Variants in ILDR2 observed in about 807,000 individuals in gnomAD.
ILDR2 encodes immunoglobulin-like domain-containing receptor 2.
In ILDR2, 25 loss-of-function variants were observed where a neutral mutation model predicts 66.8. The ratio of observed to expected loss-of-function variants is 0.37; its 90% CI spans 0.27 to 0.52. The LOEUF is 0.52. Ranked by LOEUF, ILDR2 falls within the 20% of genes least tolerant of loss-of-function variation. The pLI is 0.88. For synonymous variants in ILDR2, 367 were observed against 357.2 expected, an observed-to-expected ratio of 1.03 and a Z score of -0.31; for missense variants, 827 against 876.8, an observed-to-expected ratio of 0.94 and a Z score of 0.72.
At position 166,918,357 on chromosome 1, in the gene ILDR2, T is replaced by C. The variant is rs1303332916; in HGVS notation, c.*998A>G. ...GAAAAGACTGAGTGAAGTTTGTGGG[T>C]GAAATGGTCCACATTCAAAATATAA... On this transcript the variant is annotated 3_prime_UTR_variant, in exon 10 of 10. Transcript: ENST00000271417. 2 of 152,248 alleles carry C rather than the reference T, an allele frequency of 1.3e-5. No homozygotes were observed. The highest frequency in any genetic ancestry group is 4.8e-5 in the African/African-American group (2 of 41,464). 9.4% of individuals were successfully genotyped at this position (152,248 alleles called of 1,614,324 possible).
At position 166,921,405 on chromosome 1, in the gene ILDR2, G is replaced by A. The variant is rs753323508; in HGVS notation, c.1212-26C>T. On this transcript the variant is annotated intron_variant, in intron 8 of 9. Transcript: ENST00000271417. The surrounding 1 kb of genome is among the most constrained non-coding windows in gnomAD (Gnocchi z 5.3). The stretch of plus-strand genomic sequence containing the variant: ...CTGCGGGCAGAGAAGGAGGGGGTCA[G>A]ACGGCCGGTCCCTCCCTGGAGCTCC... 2.0e-6 allele frequency: 3 copies of A among 1,523,412 alleles called. No homozygotes were observed. The African/African-American group carries it at 4.1e-5, about 21-fold the overall frequency. 94.4% of individuals were successfully genotyped at this position (1,523,412 alleles called of 1,614,324 possible).
At position 166,921,405 on chromosome 1, in the gene ILDR2, G is replaced by C; in HGVS notation, c.1212-26C>G. 2.6e-6 allele frequency: 4 copies of C among 1,523,532 alleles called. No individual in the cohort carries two copies. Among genetic ancestry groups the C allele is most frequent in the Non-Finnish European group, 3.5e-6 (4 of 1,132,942 alleles). The allele number at this position is 1,523,532 out of a possible 1,614,324, so 94.4% of individuals were successfully genotyped here. ...CTGCGGGCAGAGAAGGAGGGGGTCA[G>C]ACGGCCGGTCCCTCCCTGGAGCTCC... is the stretch of plus-strand genomic sequence containing the variant. On this transcript the variant is annotated intron_variant, in intron 8 of 9. Transcript: ENST00000271417. The surrounding 1 kb of genome is among the most constrained non-coding windows in gnomAD (Gnocchi z 5.3).
In ILDR2 at chr1:166,956,801, T is replaced by C; in HGVS notation, c.431A>G (p.Tyr144Cys). 6.2e-7 allele frequency: 1 copy of C among 1,614,028 alleles called. No homozygotes were observed. Among genetic ancestry groups the C allele is most frequent in the Non-Finnish European group, 8.5e-7 (1 of 1,179,920 alleles). Residue 144 changes from tyrosine (Y) to cysteine (C), a missense_variant, in exon 3 of 10, where the codon TAC becomes TGC. Around this residue, in one of 2 missense-constraint regions of ILDR2, gnomAD observed 437 missense variants for 523.2 expected, o/e 0.84. Coordinates refer to ENST00000271417, the MANE Select transcript of ILDR2 (RefSeq NM_199351.3). ...KLMWGDSGLY[Y>C]CIITTPDDLE... Reference sequence around the variant, plus strand: ...GTCATCTGGGGTGGTGATAATACAGTAATAGAGTCCGCTGTCTCCCCACAT... The same window carrying C: ...GTCATCTGGGGTGGTGATAATACAGCAATAGAGTCCGCTGTCTCCCCACAT...
At position 166,969,116 on chromosome 1, in the gene ILDR2, G is replaced by GCAA. The variant is rs370582288; in HGVS notation, c.46+6104_46+6106dup. Reference sequence around the variant, plus strand: ...GGTAGGTTAGCTTTCCATTATTAAAGCAACAACAACAACAAAAAAAGACAA... The same window carrying GCAA: ...GGTAGGTTAGCTTTCCATTATTAAAGCAACAACAACAACAACAAAAAAAGACAA... On this transcript the variant is annotated intron_variant, in intron 1 of 9. Transcript: ENST00000271417. Among the ~76,000 whole-genome samples the GCAA allele has an allele frequency of 7.9e-3, 1,207 of 152,038 alleles. 21 individuals are homozygous for GCAA. Among genetic ancestry groups the GCAA allele is most frequent in the African/African-American group, 0.027 (1,120 of 41,446 alleles).
At chr1:166,939,613 CA>C in intron 3 of ILDR2, 43 bp from the exon 4 acceptor site, 1 of 1,560,652 alleles carries the variant, frequency 6.4e-7, no homozygotes, top group Non-Finnish European at 8.8e-7. Context: ...GTGGTTATTC[CA>C]AGGGAAAACA....
At chr1:166,937,901 A>G (rs568840587) in intron 4 of ILDR2, among the ~76,000 whole-genome samples, 1 of 152,344 alleles carries the variant, frequency 6.6e-6, no homozygotes, top group Admixed American at 6.5e-5. Flanking sequence ...CTTCAATTAA[A>G]TGGACATTCC....
chr1:166,964,122 C>A (rs1411671912), intron 1 of ILDR2, among the ~76,000 whole-genome samples: 1 of 147,326 alleles, frequency 6.8e-6, no homozygotes, highest in East Asian at 1.9e-4. Context: ...AAAAATTAGA[C>A]CTTCTAAATC....
At chr1:166,907,507 GGA>G (rs1471202277), downstream of ILDR2, among the ~76,000 whole-genome samples, 8 of 152,020 alleles carry the variant, frequency 5.3e-5, no homozygotes, top group Admixed American at 1.3e-4. Context: ...TTCTTTTGAG[GGA>G]ACATCTCTTA....
Position 166,939,635 on chromosome 1 carries a change from C to T in ILDR2, c.500-65G>A, listed in dbSNP as rs1337301492. 6 of 1,440,620 alleles carry T rather than the reference C, an allele frequency of 4.2e-6. No homozygotes were observed. In the East Asian group the frequency reaches 6.8e-5, roughly 16 times the overall value. 89.2% of individuals were successfully genotyped at this position (1,440,620 alleles called of 1,614,324 possible). ...TTCCAAGGGAAAACATAGCCTAAAG[C>T]CTGGCTCCAGTTGGTACCATCCACA... On this transcript the variant is annotated intron_variant, in intron 3 of 9. Coordinates refer to ENST00000271417, the MANE Select transcript of ILDR2 (RefSeq NM_199351.3).
chr1:166,920,115 A>T (rs759075282), intron 9 of ILDR2, among the ~76,000 whole-genome samples: 1 of 152,238 alleles, frequency 6.6e-6, no homozygotes, highest in Non-Finnish European at 1.5e-5. Context: ...AATGAACTGG[A>T]TAGGGACCAA....
At chr1:166,950,763 AC>A (rs1225794606) in intron 3 of ILDR2, among the ~76,000 whole-genome samples, 2 of 148,926 alleles carry the variant, frequency 1.3e-5, no homozygotes, top group African/African-American at 5.0e-5. Flanking sequence ...ACACACGCCT[AC>A]CCATTCCTTT....
At chr1:166,966,316 A>T (rs1662943846) in intron 1 of ILDR2, among the ~76,000 whole-genome samples, 4 of 152,146 alleles carry the variant, frequency 2.6e-5, no homozygotes, top group African/African-American at 9.7e-5. Flanking sequence ...TGTTACCATG[A>T]TATACCTGAT....
chr1:166,910,356 A>T lies in ILDR2; in HGVS notation c.*8999T>A, dbSNP rs1659448906. ...GGCAAGTTCTAAACTTGCAAAGTGT[A>T]AGAAAAACATATCACTTTTAAAGAA... is the stretch of plus-strand genomic sequence containing the variant. On this transcript the variant is annotated 3_prime_UTR_variant, in exon 10 of 10. Coordinates refer to ENST00000271417, the MANE Select transcript of ILDR2 (RefSeq NM_199351.3). The T allele has an allele frequency of 6.6e-6, 1 of 152,228 alleles. No individual in the cohort carries two copies. The highest frequency in any genetic ancestry group is 2.4e-5 in the African/African-American group (1 of 41,460). The allele number at this position is 152,228 out of a possible 1,614,324, so 9.4% of individuals were successfully genotyped here.
Position 166,921,454 on chromosome 1 carries a change from AT to A in ILDR2, c.1212-76del. 2.3e-6 allele frequency: 3 copies of A among 1,294,340 alleles called. No individual in the cohort carries two copies. Among genetic ancestry groups the A allele is most frequent in the African/African-American group, 1.5e-5 (1 of 67,460 alleles). 80.2% of individuals were successfully genotyped at this position (1,294,340 alleles called of 1,614,324 possible). A position where few individuals can be genotyped will look rare whatever the true frequency, so the allele number is the denominator to read the frequency against. On this transcript the variant is annotated intron_variant, in intron 8 of 9. Transcript: ENST00000271417. This position sits in a 1 kb window ranked among gnomAD's most constrained non-coding sequence, Gnocchi z 5.3. ...CCAGGTAGGGCTCCCAAGAGCACCC[AT>A]CGTGTCCTGGGGCCACGCTCAGGAG...
At chr1:166,898,153 C>T (rs1452874046) in intron 2 of ILDR2, among the ~76,000 whole-genome samples, 1 of 152,050 alleles carries the variant, frequency 6.6e-6, no homozygotes, top group Admixed American at 6.6e-5. Context: ...AGTTGGGGCA[C>T]GAATTTGGTA....
chr1:166,946,697 T>C (rs1661632818), intron 3 of ILDR2, among the ~76,000 whole-genome samples: 1 of 152,158 alleles, frequency 6.6e-6, no homozygotes, highest in African/African-American at 2.4e-5. Flanking sequence ...AAGCCAAGAA[T>C]ACAACCAGGT....
At position 166,916,756 on chromosome 1, in the gene ILDR2, CCTG is replaced by C. The variant is rs1400690123; in HGVS notation, c.*2596_*2598del. 6.6e-6 allele frequency: 1 copy of C among 152,230 alleles called. No individual in the cohort carries two copies. The highest frequency in any genetic ancestry group is 2.4e-5 in the African/African-American group (1 of 41,454). The allele number at this position is 152,230 out of a possible 1,614,324, so 9.4% of individuals were successfully genotyped here. A position where few individuals can be genotyped will look rare whatever the true frequency, so the allele number is the denominator to read the frequency against. On this transcript the variant is annotated 3_prime_UTR_variant, in exon 10 of 10. Transcript: ENST00000271417. ...CCAACTCCCAAGGTTAATTCAGTAG[CCTG>C]CTATCTTCTTTGTACTTTTCAGTCT... is the stretch of plus-strand genomic sequence containing the variant.
intron 4 of ILDR2, among the ~76,000 whole-genome samples, chr1:166,937,228 G>T (rs954402580): frequency 7.2e-5 from 11 of 152,160 alleles, no homozygotes; most frequent in African/African-American, 2.7e-4. Context: ...TAGGGGTCTA[G>T]ATGTAGTTTA....
At position 166,957,762 on chromosome 1, in the gene ILDR2, T is replaced by C. The variant is rs34175991; in HGVS notation, c.379+7A>G. On this transcript the variant is annotated splice_region_variant and intron_variant, in intron 2 of 9. Coordinates refer to ENST00000271417, the MANE Select transcript of ILDR2 (RefSeq NM_199351.3). ...ATTTCCTAGATTCAAAATAGGGGCA[T>C]TATTACCATGAACAATCGTGATCTC... 0.025 allele frequency: 40,345 copies of C among 1,596,832 alleles called. 652 individuals carry two copies. Among genetic ancestry groups the C allele is most frequent in the Non-Finnish European group, 0.03 (35,274 of 1,166,832 alleles).
Sources: gnomAD v4.1 joint callset for allele counts (sites outside exome capture counted in the v4.1 genomes callset) on GRCh38, gnomAD v4.1.1 for gene constraint, gnomAD v4.1.1 regional missense constraint, Gnocchi (gnomAD v3.1) non-coding constraint, MANE v1.5 for transcripts, NCBI Gene and HGNC (gene_info 2026-07-23, HGNC 2026-07-21) for gene names.